GNG4: variants seen among roughly 807,000 people sequenced by gnomAD.
The protein encoded by GNG4 is guanine nucleotide-binding protein G(I)/G(S)/G(O) subunit gamma-4.
GNG4 carries 4 observed loss-of-function variants against 5.8 expected under a neutral mutation model. The observed-to-expected ratio is 0.69, with a 90% CI of 0.34 to 1.57. GNG4 has a LOEUF of 1.57. GNG4 is among the 40% of genes most tolerant of loss of function. The probability of loss-of-function intolerance (pLI) is 0.06; values close to 1 mark genes in which losing one functional copy is unlikely to be tolerated. For missense variants in GNG4, 96 were observed against 95.1 expected (o/e 1.01, Z -0.04); for synonymous variants, 29 against 32.9 (o/e 0.88, Z 0.41).
chr1:235,628,911 C>A (rs1387138802), intron 1 of GNG4, among the ~76,000 whole-genome samples: 1 of 152,038 alleles, frequency 6.6e-6, no homozygotes, highest in Non-Finnish European at 1.5e-5. Context: ...TGAGCAGGAC[C>A]CAGGAGATGG....
At chr1:235,575,065 T>C (rs1254115556) in intron 3 of GNG4, among the ~76,000 whole-genome samples, 1 of 152,128 alleles carries the variant, frequency 6.6e-6, no homozygotes, top group African/African-American at 2.4e-5. Context: ...CCTCGAATGA[T>C]CCACCCACCT....
chr1:235,611,054 A>C (rs1193946127), intron 1 of GNG4, among the ~76,000 whole-genome samples: 1 of 152,312 alleles, frequency 6.6e-6, no homozygotes, highest in Middle Eastern at 3.4e-3. Flanking sequence ...TGCCACTGCA[A>C]TCCAGCCTGG....
chr1:235,606,740 A>T (rs114949815), intron 1 of GNG4, among the ~76,000 whole-genome samples: 56 of 152,056 alleles, frequency 3.7e-4, no homozygotes, highest in Middle Eastern at 3.4e-3. Context: ...GAGCTGAGCA[A>T]CTCATGACTT....
At chr1:235,563,610 T>A (rs1258429507) in intron 3 of GNG4, among the ~76,000 whole-genome samples, 1 of 152,176 alleles carries the variant, frequency 6.6e-6, no homozygotes, top group Non-Finnish European at 1.5e-5. Flanking sequence ...ATCTACTTTA[T>A]GAGTCCTCGT....
intron 3 of GNG4, among the ~76,000 whole-genome samples, chr1:235,552,491 G>A (rs566182550): frequency 2.0e-5 from 3 of 152,312 alleles, no homozygotes; most frequent in African/African-American, 7.2e-5. Context: ...GGGCTGGCAG[G>A]AGGCCCAGAC....
chr1:235,555,614 G>C (rs1427046172), intron 3 of GNG4, among the ~76,000 whole-genome samples: 1 of 151,376 alleles, frequency 6.6e-6, no homozygotes, highest in African/African-American at 2.4e-5. Context: ...GGGAGTTCAA[G>C]GCTGCAGTGA....
intron 3 of GNG4, among the ~76,000 whole-genome samples, chr1:235,567,252 T>C (rs1215400703): frequency 1.3e-5 from 2 of 152,170 alleles, no homozygotes; most frequent in Admixed American, 1.3e-4. Context: ...TGTTTAATTA[T>C]AGGACTATAT....
intron 2 of GNG4, among the ~76,000 whole-genome samples, chr1:235,584,586 G>A (rs1160953705): frequency 6.6e-6 from 1 of 152,162 alleles, no homozygotes; most frequent in African/African-American, 2.4e-5. Context: ...ATTTTCTAGA[G>A]GGAGGCAGAA....
intron 1 of GNG4, among the ~76,000 whole-genome samples, chr1:235,634,967 A>C (rs1360641636): frequency 6.6e-6 from 1 of 151,982 alleles, no homozygotes; most frequent in Non-Finnish European, 1.5e-5. Context: ...AAAAAGAAAT[A>C]CTTCCTTTGC....
At position 235,615,648 on chromosome 1, in the gene GNG4, T is replaced by C. The variant is rs193277466; in HGVS notation, c.-122-20137A>G. The C allele has an allele frequency of 2.4e-3, 540 of 221,642 alleles. 2 individuals are homozygous for C. The highest frequency in any genetic ancestry group is 4.0e-3 in the Non-Finnish European group (397 of 100,176). The allele number at this position is 221,642 out of a possible 1,614,324, so 13.7% of individuals were successfully genotyped here. A position where few individuals can be genotyped will look rare whatever the true frequency, so the allele number is the denominator to read the frequency against. ...TGGTGTCTGGGGGCTTTTATTTTTA[T>C]TTTTCAGAGATCTTGAAGATGTTTC... is the stretch of plus-strand genomic sequence containing the variant. On this transcript the variant is annotated intron_variant, in intron 1 of 3. Transcript: ENST00000391854.
intron 2 of GNG4, among the ~76,000 whole-genome samples, chr1:235,591,714 G>A (rs1687968837): frequency 6.6e-6 from 1 of 152,214 alleles, no homozygotes; most frequent in Non-Finnish European, 1.5e-5. Flanking sequence ...CGGCAACACT[G>A]ACTGGGCTCT....
chr1:235,598,776 A>G (rs1241293438), intron 1 of GNG4, among the ~76,000 whole-genome samples: 5 of 149,276 alleles, frequency 3.3e-5, no homozygotes, highest in Admixed American at 2.7e-4. Flanking sequence ...CCCAGGCTGG[A>G]GTGCAGTGGT....
At chr1:235,628,654 G>A (rs1434308823) in intron 1 of GNG4, among the ~76,000 whole-genome samples, 1 of 152,158 alleles carries the variant, frequency 6.6e-6, no homozygotes, top group Non-Finnish European at 1.5e-5. Flanking sequence ...AGGCCAAACA[G>A]GCAGAATGCA....
chr1:235,587,424 G>GAC (rs1687810366), intron 2 of GNG4, among the ~76,000 whole-genome samples: 1 of 82,212 alleles, frequency 1.2e-5, no homozygotes, highest in Non-Finnish European at 2.4e-5. Flanking sequence ...GTGGGGGTGT[G>GAC]TGTGTGAGGG....
intron 1 of GNG4, among the ~76,000 whole-genome samples, chr1:235,626,958 C>CAAAAAAAAAAAAA (rs776506587): frequency 3.9e-5 from 3 of 77,392 alleles, no homozygotes; most frequent in African/African-American, 9.9e-5. Flanking sequence ...GACTCTATCT[C>CAAAAAAAAAAAAA]AAAAAAAAAA....
chr1:235,598,588 AAC>A (rs1299205912), intron 1 of GNG4, among the ~76,000 whole-genome samples: 1 of 152,116 alleles, frequency 6.6e-6, no homozygotes, highest in Non-Finnish European at 1.5e-5. Flanking sequence ...CAGCCTGGGC[AAC>A]AGAGACCCTT....
intron 1 of GNG4, among the ~76,000 whole-genome samples, chr1:235,631,277 C>A (rs148343696): frequency 6.6e-6 from 1 of 152,202 alleles, no homozygotes; most frequent in South Asian, 2.1e-4. Flanking sequence ...TTACCCCTCA[C>A]GCCCCCTCAG....
At chr1:235,618,066 T>G (rs1011215261) in intron 1 of GNG4, among the ~76,000 whole-genome samples, 1 of 152,144 alleles carries the variant, frequency 6.6e-6, no homozygotes. Context: ...AGAATTGGAA[T>G]GCAGTTTATG....
chr1:235,606,534 G>A (rs1370724325), intron 1 of GNG4, among the ~76,000 whole-genome samples: 1 of 152,082 alleles, frequency 6.6e-6, no homozygotes, highest in Non-Finnish European at 1.5e-5. Flanking sequence ...GGAAAGGAAG[G>A]CATATCTGGG....
Sources: allele counts gnomAD v4.1 joint callset (sites outside exome capture counted in the v4.1 genomes callset), GRCh38; gene constraint gnomAD v4.1.1; transcripts MANE v1.5; gene names NCBI Gene and HGNC (gene_info 2026-07-23, HGNC 2026-07-21).